The following RBFOX1 variants were observed in gnomAD, a reference collection of about 807,000 sequenced individuals.
RBFOX1 encodes RNA binding fox-1 homolog 1, also known as RNA binding protein fox-1 homolog 1.
In RBFOX1, 8 loss-of-function variants were observed where a neutral mutation model predicts 57.7. The ratio of observed to expected loss-of-function variants is 0.14; its 90% confidence interval spans 0.08 to 0.25. The LOEUF (loss-of-function observed/expected upper bound fraction) is 0.25, where lower values mean the gene tolerates loss of function less well. Among genes scored for constraint, RBFOX1 ranks in the 10% least tolerant of loss-of-function variants. RBFOX1 has a pLI of 1.00. For synonymous variants in RBFOX1, 326 were observed against 222.4 expected (o/e 1.47, Z -4.15); for missense variants, 611 against 548.5 (o/e 1.11, Z -1.14).
At chr16:7,482,704 A>G (rs1216560708) in intron 4 of RBFOX1, among the ~76,000 whole-genome samples, 1 of 151,726 alleles carries the variant, frequency 6.6e-6, no homozygotes, top group Non-Finnish European at 1.5e-5. Context: ...TGCACTTCGA[A>G]TCCACAATGA....
At chr16:7,655,974 C>G (rs1323185946) in intron 12 of RBFOX1, among the ~76,000 whole-genome samples, 2 of 152,102 alleles carry the variant, frequency 1.3e-5, no homozygotes, top group Non-Finnish European at 2.9e-5. Context: ...CAGGGAGAGA[C>G]ACAGGCATTT....
intron 3 of RBFOX1, among the ~76,000 whole-genome samples, chr16:6,807,114 G>A (rs1400179359): frequency 1.3e-5 from 2 of 151,878 alleles, no homozygotes; most frequent in Non-Finnish European, 2.9e-5. Context: ...GATTACAGGT[G>A]TAAGCCACCG....
At chr16:6,803,002 C>G (rs7193771) in intron 3 of RBFOX1, among the ~76,000 whole-genome samples, 85,011 of 152,028 alleles carry the variant, frequency 0.56, 24,231 homozygotes, top group African/African-American at 0.63. Context: ...TTCTAAAAGT[C>G]TTTTAGCTGC....
intron 3 of RBFOX1, among the ~76,000 whole-genome samples, chr16:5,705,294 C>G (rs1162306338): frequency 2.0e-5 from 3 of 152,060 alleles, no homozygotes; most frequent in Non-Finnish European, 4.4e-5. Flanking sequence ...CAGGGTCTTG[C>G]TGTCTTGTCC....
chr16:5,716,198 A>C (rs1051004563), intron 3 of RBFOX1, among the ~76,000 whole-genome samples: 1 of 152,146 alleles, frequency 6.6e-6, no homozygotes, highest in South Asian at 2.1e-4. Context: ...TTAAACTTTT[A>C]TTTGGTTGGC....
intron 3 of RBFOX1, among the ~76,000 whole-genome samples, chr16:5,629,108 A>AAAG (rs78722160): frequency 0.51 from 78,112 of 151,816 alleles, 22,984 homozygotes; most frequent in Non-Finnish European, 0.68. Flanking sequence ...GATGCTGTAA[A>AAAG]AAGAAGAAGC....
At chr16:7,264,894 C>G (rs904478805) in intron 4 of RBFOX1, among the ~76,000 whole-genome samples, 1 of 152,190 alleles carries the variant, frequency 6.6e-6, no homozygotes, top group Non-Finnish European at 1.5e-5. Flanking sequence ...CATTTACCCC[C>G]AGTCCACCTT....
intron 1 of RBFOX1, among the ~76,000 whole-genome samples, chr16:6,314,156 T>C (rs1268404675): frequency 6.6e-6 from 1 of 152,130 alleles, no homozygotes; most frequent in Non-Finnish European, 1.5e-5. Context: ...CAGAGAAACC[T>C]CTTTCTGGAA....
At chr16:5,909,280 G>T (rs1242016115) in intron 4 of RBFOX1, among the ~76,000 whole-genome samples, 1 of 151,894 alleles carries the variant, frequency 6.6e-6, no homozygotes, top group Admixed American at 6.6e-5. Flanking sequence ...TTTTAGTAGA[G>T]ACTGGGTTTC....
chr16:5,420,561 T>A (rs1433954711), intron 1 of RBFOX1, among the ~76,000 whole-genome samples: 1 of 152,050 alleles, frequency 6.6e-6, no homozygotes, highest in Non-Finnish European at 1.5e-5. Flanking sequence ...CAGGCTGGAG[T>A]GCAGTGGTGC....
intron 2 of RBFOX1, among the ~76,000 whole-genome samples, chr16:6,602,938 T>C (rs376945425): frequency 9.2e-5 from 14 of 152,148 alleles, no homozygotes; most frequent in African/African-American, 3.4e-4. Flanking sequence ...AGCTGGAGAT[T>C]GGGAATCCTG....
At chr16:6,062,727 A>G (rs190204548) in intron 1 of RBFOX1, among the ~76,000 whole-genome samples, 2 of 151,800 alleles carry the variant, frequency 1.3e-5, no homozygotes, top group African/African-American at 4.8e-5. Flanking sequence ...TTATATCACT[A>G]TCTCAAGACA....
chr16:7,259,612 CTCTG>C (rs1191678197), intron 4 of RBFOX1, among the ~76,000 whole-genome samples: 1 of 151,936 alleles, frequency 6.6e-6, no homozygotes, highest in African/African-American at 2.4e-5. Flanking sequence ...CCAACACTTT[CTCTG>C]TATTTTTTAT....
intron 4 of RBFOX1, among the ~76,000 whole-genome samples, chr16:5,882,936 G>T (rs943403131): frequency 5.3e-5 from 8 of 152,168 alleles, no homozygotes; most frequent in Admixed American, 5.2e-4. Context: ...TATTTAAAAT[G>T]CAGTCTATTC....
chr16:5,801,844 T>C (rs1292530725), intron 3 of RBFOX1, among the ~76,000 whole-genome samples: 1 of 152,138 alleles, frequency 6.6e-6, no homozygotes, highest in Non-Finnish European at 1.5e-5. Flanking sequence ...AAAATCAGAA[T>C]GTTCAGTTTT....
At chr16:5,479,054 T>G (rs2069429771) in intron 2 of RBFOX1, among the ~76,000 whole-genome samples, 1 of 152,208 alleles carries the variant, frequency 6.6e-6, no homozygotes, top group African/African-American at 2.4e-5. Context: ...GAACTTGCCA[T>G]CTGTTCCCTT....
intron 1 of RBFOX1, among the ~76,000 whole-genome samples, chr16:6,104,731 CAA>C (rs1046878523): frequency 6.6e-6 from 1 of 152,082 alleles, no homozygotes; most frequent in East Asian, 1.9e-4. Flanking sequence ...CCAAAACAAA[CAA>C]AGAGATAAAA....
chr16:7,439,789 T>C (rs935642394), intron 4 of RBFOX1, among the ~76,000 whole-genome samples: 2 of 152,158 alleles, frequency 1.3e-5, no homozygotes, highest in Admixed American at 1.3e-4. Context: ...TACAGATTGC[T>C]TGCTTGTCAA....
At position 5,665,135 on chromosome 16, in the gene RBFOX1, G is replaced by GGA. The variant is rs1555497022; in HGVS notation, c.318+66175_318+66176insAG. Among the ~76,000 whole-genome samples the GGA allele has an allele frequency of 2.8e-5, 4 of 142,340 alleles. 1 individual carries two copies. The highest frequency in any genetic ancestry group is 1.4e-4 in the Admixed American group (2 of 14,472). The allele number at this position is 142,340 out of a possible 152,430, so 93.4% of individuals were successfully genotyped here. A position where few individuals can be genotyped will look rare whatever the true frequency, so the allele number is the denominator to read the frequency against. On this transcript the variant is annotated intron_variant, in intron 3 of 19. Transcript: ENST00000641259. ...TAACTTTTTGATATTTTTACATGGG[G>GGA]GGGGGCGGTCTTGCTATATTGCCCA... is the stretch of plus-strand genomic sequence containing the variant.
Sources: allele counts gnomAD v4.1 joint callset (sites outside exome capture counted in the v4.1 genomes callset), GRCh38; gene constraint gnomAD v4.1.1; transcripts MANE v1.5; gene names NCBI Gene and HGNC (gene_info 2026-07-23, HGNC 2026-07-21).